NDUFA9: variants seen among roughly 807,000 people sequenced by gnomAD.
The protein encoded by NDUFA9 is NADH:ubiquinone oxidoreductase subunit A9, also known as NADH dehydrogenase [ubiquinone] 1 alpha subcomplex subunit 9, mitochondrial.
In NDUFA9, 23 loss-of-function variants were observed where a neutral mutation model predicts 45.9. That is an observed-to-expected ratio of 0.50 (90% CI 0.36 to 0.71). The LOEUF (loss-of-function observed/expected upper bound fraction) is 0.71. Ranked by LOEUF, NDUFA9 falls within the 30% of genes least tolerant of loss-of-function variation. The pLI is 0.00. For synonymous variants in NDUFA9, 176 were observed against 170.5 expected (o/e 1.03, Z -0.25); for missense variants, 466 against 488.2 (o/e 0.95, Z 0.43).
chr12:4,662,822 G>C lies in NDUFA9; in HGVS notation c.655+187G>C, dbSNP rs182785443. ...TTTGTTATATTCCATATCAAAAGAA[G>C]CAACTTAGATTAATGGAAAGAGCAT... On this transcript the variant is annotated intron_variant, in intron 6 of 10. Transcript: ENST00000266544. Among the ~76,000 whole-genome samples the C allele has an allele frequency of 7.2e-5, 11 of 152,240 alleles. No homozygotes were observed. In the East Asian group the frequency reaches 1.7e-3, roughly 24 times the overall value.
rs1267690261 is a variant in NDUFA9, at chr12:4,657,766, A to G, written c.337A>G (p.Lys113Glu). The change falls in exon 4 of 11, where the codon AAA (lysine) becomes GAA (glutamate). Residue 113 changes from lysine to glutamate, a missense_variant. By Grantham distance (56) the Lys-to-Glu change is moderately conservative. Coordinates refer to ENST00000266544, the MANE Select transcript of NDUFA9 (RefSeq NM_005002.5). Reference protein sequence around the residue: ...LLFLEWDARDKDSIRRVVQHS... With the variant: ...LLFLEWDARDEDSIRRVVQHS... ...ATTATAGGAATGGGACGCGAGAGAT[A>G]AAGATTCTATCCGACGAGTAGTACA... The G allele has an allele frequency of 1.2e-6, 2 of 1,613,286 alleles. No homozygotes were observed. Among genetic ancestry groups the G allele is most frequent in the African/African-American group, 1.3e-5 (1 of 74,906 alleles).
At chr12:4,668,731 A>T (rs190456578) in intron 7 of NDUFA9, 1 of 575,598 alleles carries the variant, frequency 1.7e-6, no homozygotes, top group Non-Finnish European at 3.1e-6. Flanking sequence ...TGAACTCATA[A>T]TGTGCTAGAC....
At chr12:4,649,582 C>T (rs1945742940) in intron 1 of NDUFA9, among the ~76,000 whole-genome samples, 1 of 152,128 alleles carries the variant, frequency 6.6e-6, no homozygotes, top group Non-Finnish European at 1.5e-5. Context: ...TGACCTTGTG[C>T]AAACCCTTAA....
chr12:4,672,697 C>G (rs1176182214), intron 8 of NDUFA9, among the ~76,000 whole-genome samples: 2 of 152,192 alleles, frequency 1.3e-5, no homozygotes. Context: ...CTCTCTGGGC[C>G]AGGCATCTCT....
At position 4,664,811 on chromosome 12, in the gene NDUFA9, G is replaced by A. The variant is rs530995394; in HGVS notation, c.655+2176G>A. 3.3e-5 allele frequency among the ~76,000 whole-genome samples: 5 copies of A among 152,298 alleles called. No individual in the cohort carries two copies. In the South Asian group the frequency reaches 1.0e-3, roughly 32 times the overall value. On this transcript the variant is annotated intron_variant, in intron 6 of 10. Transcript: ENST00000266544. ...ATTTTTAGTAGCCACCCTAATAGGT[G>A]GTGTTTCATTGTGTGTGTGTTTTTA... is the stretch of plus-strand genomic sequence containing the variant.
intron 1 of NDUFA9, among the ~76,000 whole-genome samples, chr12:4,652,042 C>T (rs1334110679): frequency 2.0e-5 from 3 of 152,178 alleles, no homozygotes; most frequent in Admixed American, 6.5e-5. Flanking sequence ...CTAACATGTG[C>T]TTTTGTCTCA....
chr12:4,650,897 A>G (rs1272581990), intron 1 of NDUFA9, among the ~76,000 whole-genome samples: 3 of 152,246 alleles, frequency 2.0e-5, no homozygotes, highest in South Asian at 4.1e-4. Context: ...AATGTGTTAG[A>G]TGGGATCAGA....
chr12:4,667,614 C>T (rs574014770), intron 6 of NDUFA9: 164 of 194,312 alleles, frequency 8.4e-4, no homozygotes, highest in South Asian at 3.5e-4. Context: ...CAGGTTCAAG[C>T]GATTCTCTGG....
chr12:4,674,193 G>C (rs2137479195), intron 8 of NDUFA9, among the ~76,000 whole-genome samples: 1 of 152,274 alleles, frequency 6.6e-6, no homozygotes, highest in South Asian at 2.1e-4. Context: ...AGGATCAACT[G>C]ATACCAGCCA....
At position 4,687,895 on chromosome 12, in the gene NDUFA9, T is replaced by C. The variant is rs918400658; in HGVS notation, c.*787T>C. ...TGTGATTTAAAACTCCCACAATTTGTGGTGAAGCCAACATACCACCATCCT... is the reference window on the plus strand; with the variant it reads ...TGTGATTTAAAACTCCCACAATTTGCGGTGAAGCCAACATACCACCATCCT... On this transcript the variant is annotated 3_prime_UTR_variant, in exon 11 of 11. Transcript: ENST00000266544. The C allele has an allele frequency of 1.3e-5, 2 of 152,234 alleles. No homozygotes were observed. The highest frequency in any genetic ancestry group is 4.8e-5 in the African/African-American group (2 of 41,452). The allele number at this position is 152,234 out of a possible 1,614,324, so 9.4% of individuals were successfully genotyped here.
chr12:4,664,661 T>C (rs796094343), intron 6 of NDUFA9, among the ~76,000 whole-genome samples: 19 of 152,204 alleles, frequency 1.2e-4, no homozygotes, highest in African/African-American at 4.6e-4. Flanking sequence ...AGGAGAGCTA[T>C]TGGGGTGGGG....
chr12:4,660,185 T>C (rs150486639), intron 5 of NDUFA9, among the ~76,000 whole-genome samples: 1,582 of 152,306 alleles, frequency 0.01, 31 homozygotes, highest in African/African-American at 0.036. Context: ...TTAGCCTTAG[T>C]TGCACATTAA....
At chr12:4,658,418 A>G (rs1224161948) in intron 4 of NDUFA9, among the ~76,000 whole-genome samples, 1 of 142,404 alleles carries the variant, frequency 7.0e-6, no homozygotes, top group African/African-American at 2.5e-5. Flanking sequence ...GTCTTATTCA[A>G]CTTTTTATCC....
At chr12:4,677,955 G>T (rs983190816) in intron 8 of NDUFA9, among the ~76,000 whole-genome samples, 5 of 152,154 alleles carry the variant, frequency 3.3e-5, no homozygotes, top group Admixed American at 3.3e-4. Context: ...ATACTATGCA[G>T]CCAGTATACA....
intron 8 of NDUFA9, among the ~76,000 whole-genome samples, chr12:4,675,219 G>T (rs1399855373): frequency 1.3e-5 from 2 of 152,218 alleles, no homozygotes; most frequent in African/African-American, 4.8e-5. Context: ...AAGCAGGAAT[G>T]ATCTAAAATT....
intron 6 of NDUFA9, among the ~76,000 whole-genome samples, chr12:4,667,818 A>G (rs1486766845): frequency 6.9e-6 from 1 of 145,896 alleles, no homozygotes; most frequent in African/African-American, 2.5e-5. Flanking sequence ...CCTAATTTCT[A>G]CTCTTAAATG....
chr12:4,669,806 T>G lies in NDUFA9; in HGVS notation c.789T>G (p.Phe263Leu), dbSNP rs910683156. Residue 263 changes from phenylalanine (F) to leucine (L), a missense_variant, in exon 8 of 11, where the codon TTT becomes TTG. Phe to Leu is a conservative substitution (Grantham distance 22, BLOSUM62 0). Transcript: ENST00000266544. ...VKDPDANGKS[F>L]AFVGPSRYLL... is the part of the protein sequence containing the mutation. Reference sequence around the variant, plus strand: ...ATCCTGATGCCAATGGGAAATCCTTTGCTTTCGTTGGGTAAGTGCTTAGAG... The same window carrying G: ...ATCCTGATGCCAATGGGAAATCCTTGGCTTTCGTTGGGTAAGTGCTTAGAG... The G allele has an allele frequency of 1.3e-5, 21 of 1,611,506 alleles. No individual in the cohort carries two copies. Among genetic ancestry groups the G allele is most frequent in the Non-Finnish European group, 1.7e-5 (20 of 1,177,720 alleles).
At chr12:4,674,250 A>G (rs540362349) in intron 8 of NDUFA9, among the ~76,000 whole-genome samples, 3 of 152,340 alleles carry the variant, frequency 2.0e-5, no homozygotes, top group African/African-American at 7.2e-5. Context: ...CTATGAAGAA[A>G]CTGCATCAAC....
chr12:4,686,755 C>G (rs1007101647), intron 10 of NDUFA9, among the ~76,000 whole-genome samples, 183 bp from the exon 11 acceptor site: 1 of 152,064 alleles, frequency 6.6e-6, no homozygotes, highest in Non-Finnish European at 1.5e-5. Context: ...TGTCTTAAGC[C>G]CTCTTTGTGT....
Sources: gnomAD v4.1 joint callset for allele counts (sites outside exome capture counted in the v4.1 genomes callset) on GRCh38, gnomAD v4.1.1 for gene constraint, MANE v1.5 for transcripts, NCBI Gene and HGNC (gene_info 2026-07-23, HGNC 2026-07-21) for gene names.